Variants in NBAS observed in about 807,000 individuals in gnomAD.
NBAS encodes NBAS subunit of NRZ tethering complex.
NBAS carries 219 observed loss-of-function variants against 302.5 expected under a neutral mutation model. The ratio of observed to expected loss-of-function variants is 0.72; its 90% CI spans 0.65 to 0.81. The LOEUF (loss-of-function observed/expected upper bound fraction) is 0.81, where lower values mean the gene tolerates loss of function less well. Among genes scored for constraint, NBAS ranks in the 30% least tolerant of loss-of-function variants. NBAS has a pLI of 0.00. For synonymous variants in NBAS, 1,118 were observed against 1,021.6 expected (o/e 1.09, Z -1.80); for missense variants, 2,932 against 2,841.6 (o/e 1.03, Z -0.72).
chr2:15,390,017 T>C (rs4668449), intron 28 of NBAS, among the ~76,000 whole-genome samples: 95,312 of 152,022 alleles, frequency 0.63, 30,611 homozygotes, highest in Middle Eastern at 0.69. Flanking sequence ...AGGGAAGACA[T>C]AGCAGAACTG....
the NBAS span, among the ~76,000 whole-genome samples, chr2:14,971,024 C>G: frequency 6.6e-6 from 1 of 152,146 alleles, no homozygotes; most frequent in African/African-American, 2.4e-5. Context: ...AGCCCCTTCC[C>G]ACATGAAATT....
chr2:15,293,269 T>A (rs960738186), intron 40 of NBAS, among the ~76,000 whole-genome samples: 2 of 152,114 alleles, frequency 1.3e-5, no homozygotes, highest in Admixed American at 1.3e-4. Flanking sequence ...TCTCCAGGGA[T>A]AAGTTCGGGA....
At chr2:15,139,260 AG>A in the NBAS span, among the ~76,000 whole-genome samples, 1 of 152,204 alleles carries the variant, frequency 6.6e-6, no homozygotes, top group Admixed American at 6.5e-5. Flanking sequence ...AAAAACTACC[AG>A]GAAAAAAGGA....
chr2:15,222,587 C>G (rs888401269), intron 47 of NBAS, among the ~76,000 whole-genome samples: 2 of 152,188 alleles, frequency 1.3e-5, no homozygotes, highest in Non-Finnish European at 2.9e-5. Flanking sequence ...TTCTTGTATA[C>G]TGTTATCATC....
chr2:15,096,635 C>G, the NBAS span, among the ~76,000 whole-genome samples: 1 of 152,178 alleles, frequency 6.6e-6, no homozygotes, highest in African/African-American at 2.4e-5. Flanking sequence ...CTCCTGCCAC[C>G]CACAGACAGG....
At chr2:15,443,119 C>G (rs901294969) in intron 21 of NBAS, among the ~76,000 whole-genome samples, 2 of 152,072 alleles carry the variant, frequency 1.3e-5, no homozygotes, top group East Asian at 3.9e-4. Context: ...TTCCAATTAA[C>G]AGAAAAAGAG....
intron 47 of NBAS, among the ~76,000 whole-genome samples, chr2:15,230,211 C>A (rs566128974): frequency 6.6e-6 from 1 of 152,124 alleles, no homozygotes; most frequent in African/African-American, 2.4e-5. Flanking sequence ...AACCATATCA[C>A]TGCAAAGACC....
rs77378493 is a variant in NBAS at position 15,524,429 on chromosome 2, A to T, written c.746+10114T>A. 7.5e-3 allele frequency among the ~76,000 whole-genome samples: 1,147 copies of T among 152,300 alleles called. 19 individuals carry two copies. The highest frequency in any genetic ancestry group is 0.057 in the East Asian group (295 of 5,180). ...TGCACTTATTACATGTCCCGGTCCA[A>T]ACTGGGGTCTGACTGGCATGTTGTA... On this transcript the variant is annotated intron_variant, in intron 9 of 51. Transcript: ENST00000281513.
At chr2:14,862,409 G>A in the NBAS span, among the ~76,000 whole-genome samples, 15 of 152,150 alleles carry the variant, frequency 9.9e-5, no homozygotes, top group East Asian at 1.4e-3. Context: ...AAGCCACTGC[G>A]CCCGGCCTAT....
At chr2:14,799,211 C>G in the NBAS span, among the ~76,000 whole-genome samples, 5 of 151,968 alleles carry the variant, frequency 3.3e-5, no homozygotes, top group African/African-American at 1.2e-4. Flanking sequence ...CCTCTAAATT[C>G]ACTTACTAGT....
At chr2:15,216,666 T>G (rs1666667124) in intron 48 of NBAS, among the ~76,000 whole-genome samples, 1 of 152,182 alleles carries the variant, frequency 6.6e-6, no homozygotes, top group Non-Finnish European at 1.5e-5. Context: ...GACAAAAGCT[T>G]AAAGGAAGAA....
chr2:14,796,536 G>T, the NBAS span, among the ~76,000 whole-genome samples: 4,935 of 152,102 alleles, frequency 0.032, 250 homozygotes, highest in African/African-American at 0.11. Flanking sequence ...TCCTGCATGA[G>T]TTTTGTCAGA....
chr2:15,181,797 C>G (rs530733247), intron 50 of NBAS, among the ~76,000 whole-genome samples: 1 of 152,338 alleles, frequency 6.6e-6, no homozygotes, highest in African/African-American at 2.4e-5. Context: ...GCCTTCTGTC[C>G]TCACACAACT....
chr2:15,206,854 G>A (rs1666170757), intron 48 of NBAS, among the ~76,000 whole-genome samples: 1 of 152,202 alleles, frequency 6.6e-6, no homozygotes, highest in African/African-American at 2.4e-5. Context: ...GGAAATCCCT[G>A]GAGGTCCAGG....
the NBAS span, among the ~76,000 whole-genome samples, chr2:14,971,086 T>A: frequency 6.6e-6 from 1 of 152,364 alleles, no homozygotes; most frequent in East Asian, 1.9e-4. Context: ...ATTTTTCTCA[T>A]AACTACAAAT....
intron 33 of NBAS, among the ~76,000 whole-genome samples, chr2:15,354,320 C>G (rs73197085): frequency 0.053 from 8,117 of 152,076 alleles, 763 homozygotes; most frequent in African/African-American, 0.18. Flanking sequence ...GATCTTTTTC[C>G]TATACATTAT....
chr2:14,968,561 T>C, the NBAS span, among the ~76,000 whole-genome samples: 2 of 152,222 alleles, frequency 1.3e-5, no homozygotes, highest in Non-Finnish European at 2.9e-5. Context: ...CCCCAGTCTC[T>C]TGAATAGCTG....
intron 21 of NBAS, among the ~76,000 whole-genome samples, chr2:15,441,175 G>A (rs1321058719): frequency 1.3e-5 from 2 of 152,130 alleles, no homozygotes; most frequent in Admixed American, 6.5e-5. Context: ...GATACTCATT[G>A]AGAAGAGCAA....
rs148397394 is a variant in NBAS at position 15,418,812 on chromosome 2, G to A, written c.2578-1100C>T. On this transcript the variant is annotated intron_variant, in intron 23 of 51. Transcript: ENST00000281513. Reference sequence around the variant, plus strand: ...TGTGAGGGGCAGCAATGAGAAAGACGGCTAGAGTAGGAGGGACGGGCCGGA... The same window carrying A: ...TGTGAGGGGCAGCAATGAGAAAGACAGCTAGAGTAGGAGGGACGGGCCGGA... Among the ~76,000 whole-genome samples, 314 of 152,284 alleles carry A rather than the reference G, an allele frequency of 2.1e-3. 2 individuals carry two copies. Among genetic ancestry groups the A allele is most frequent in the African/African-American group, 7.0e-3 (291 of 41,558 alleles).
Sources: allele counts gnomAD v4.1 joint callset (sites outside exome capture counted in the v4.1 genomes callset), GRCh38; gene constraint gnomAD v4.1.1; transcripts MANE v1.5; gene names NCBI Gene and HGNC (gene_info 2026-07-23, HGNC 2026-07-21).